The following DYSF variants were observed in gnomAD, a reference collection of about 807,000 sequenced individuals.
DYSF encodes dystrophy-associated fer-1-like 1.
Under a neutral mutation model 274.9 loss-of-function variants are expected in DYSF, and 212 were observed. The ratio of observed to expected loss-of-function variants is 0.77; its 90% CI spans 0.69 to 0.86. The LOEUF (loss-of-function observed/expected upper bound fraction) is 0.86. Among genes scored for constraint, DYSF ranks in the 40% least tolerant of loss-of-function variants. The probability of loss-of-function intolerance (pLI) is 0.00; values close to 1 mark genes in which losing one functional copy is unlikely to be tolerated. For synonymous variants in DYSF, 1,091 were observed against 1,078.7 expected (o/e 1.01, Z -0.22); for missense variants, 2,666 against 2,783.2 (o/e 0.96, Z 0.95).
intron 4 of DYSF, among the ~76,000 whole-genome samples, chr2:71,509,864 C>T (rs557891679): frequency 6.6e-5 from 10 of 152,166 alleles, no homozygotes; most frequent in East Asian, 3.9e-4. Context: ...CGACCTCTGC[C>T]GCCAAGGTTC....
chr2:71,572,309 GCA>G (rs2092539092), intron 29 of DYSF, among the ~76,000 whole-genome samples: 3 of 119,916 alleles, frequency 2.5e-5, no homozygotes, highest in East Asian at 5.3e-4. Flanking sequence ...ATCACACCCA[GCA>G]CACAGAAATC....
chr2:71,496,118 T>C (rs1355091714), intron 3 of DYSF, among the ~76,000 whole-genome samples: 2 of 151,970 alleles, frequency 1.3e-5, no homozygotes, highest in Non-Finnish European at 2.9e-5. Context: ...TGTAGACTAT[T>C]AGACCTCCCA....
intron 3 of DYSF, among the ~76,000 whole-genome samples, chr2:71,488,106 C>T (rs930333000): frequency 4.0e-5 from 6 of 149,596 alleles, no homozygotes; most frequent in African/African-American, 1.5e-4. Flanking sequence ...TTAATGTCAA[C>T]CAAAAAAAAA....
At chr2:71,490,369 C>T (rs145212278) in intron 3 of DYSF, among the ~76,000 whole-genome samples, 8 of 152,276 alleles carry the variant, frequency 5.3e-5, no homozygotes, top group East Asian at 1.9e-4. Flanking sequence ...GACAGAGTTT[C>T]GCTCTCGTTG....
chr2:71,549,148 T>C (rs2090732214), intron 17 of DYSF, among the ~76,000 whole-genome samples: 1 of 152,112 alleles, frequency 6.6e-6, no homozygotes, highest in Non-Finnish European at 1.5e-5. Context: ...GGGGGCTGCG[T>C]CTGGAGGGGC....
chr2:71,612,048 C>G (rs1190045630), intron 38 of DYSF, among the ~76,000 whole-genome samples: 2 of 152,178 alleles, frequency 1.3e-5, no homozygotes, highest in African/African-American at 4.8e-5. Flanking sequence ...CCCTCCAGGC[C>G]TCTCCACCTC....
At chr2:71,603,994 C>T (rs768655002) in intron 36 of DYSF, among the ~76,000 whole-genome samples, 5 of 152,184 alleles carry the variant, frequency 3.3e-5, no homozygotes, top group East Asian at 3.9e-4. Flanking sequence ...CGAAGAGCAC[C>T]GAGTGCCCCC....
chr2:71,522,947 G>C (rs6739347), intron 12 of DYSF, among the ~76,000 whole-genome samples: 100,766 of 151,454 alleles, frequency 0.67, 34,366 homozygotes, highest in African/African-American at 0.75. Context: ...TCCCAAGACA[G>C]GAGTTTGAGG....
Position 71,564,145 on chromosome 2 carries a change from C to G in DYSF, c.2497C>G (p.Leu833Val), listed in dbSNP as rs1559168029. ...CCAGCGGGTGCCCGCCCACCAAGTC[C>G]TCTTCTCCCGGCGGGGTGCCAACTA... Reference protein sequence around the residue: ...AYQRVPAHQVLFSRRGANYCG... With the variant: ...AYQRVPAHQVVFSRRGANYCG... Residue 833 changes from leucine (L) to valine (V), a missense_variant, in exon 24 of 56, where the codon CTC becomes GTC. Coordinates refer to ENST00000410020, the MANE Select transcript of DYSF (RefSeq NM_001130987.2). The G allele has an allele frequency of 1.2e-6, 2 of 1,614,160 alleles. No homozygotes were observed. The highest frequency in any genetic ancestry group is 1.3e-5 in the African/African-American group (1 of 74,954).
intron 3 of DYSF, among the ~76,000 whole-genome samples, chr2:71,483,226 C>G (rs972867872): frequency 6.6e-6 from 1 of 152,138 alleles, no homozygotes; most frequent in Non-Finnish European, 1.5e-5. Flanking sequence ...ATCTTGGGCC[C>G]GTCTCTTCCA....
intron 23 of DYSF, among the ~76,000 whole-genome samples, chr2:71,563,423 A>G (rs371861342): frequency 2.6e-5 from 4 of 152,084 alleles, no homozygotes; most frequent in Middle Eastern, 3.2e-3. Flanking sequence ...AAGCAAATGG[A>G]CCCTTACCCA....
rs1467146341 is a variant in DYSF, at chr2:71,590,238, A to G, written c.3524A>G (p.Tyr1175Cys). Residue 1175 changes from tyrosine (Y) to cysteine (C), a missense_variant, in exon 32 of 56, where the codon TAC becomes TGC. Around this residue, in one of 3 missense-constraint regions of DYSF, gnomAD observed 1,460 missense variants for 1,502.1 expected, o/e 0.97. Transcript: ENST00000410020. ...GGGAACCGCTACCATCTACGCTGCT[A>G]CATGTACCAGGCCCGGGACCTGGCT... ...DYGNRYHLRC[Y>C]MYQARDLAAM... 1.9e-6 allele frequency: 3 copies of G among 1,614,086 alleles called. No homozygotes were observed. Among genetic ancestry groups the G allele is most frequent in the African/African-American group, 2.7e-5 (2 of 75,008 alleles).
intron 47 of DYSF, among the ~76,000 whole-genome samples, chr2:71,665,554 T>C (rs1254684695): frequency 6.6e-6 from 1 of 152,162 alleles, no homozygotes; most frequent in Non-Finnish European, 1.5e-5. Context: ...CAAGGCCAGG[T>C]TGGGGCCCAT....
At chr2:71,661,206 A>G (rs2094875833) in intron 45 of DYSF, among the ~76,000 whole-genome samples, 1 of 148,778 alleles carries the variant, frequency 6.7e-6, no homozygotes, top group Admixed American at 6.7e-5. Context: ...TTTTTTTAAG[A>G]TAAACTTTTA....
At chr2:71,573,133 T>G (rs1264766076) in intron 29 of DYSF, among the ~76,000 whole-genome samples, 1 of 152,244 alleles carries the variant, frequency 6.6e-6, no homozygotes, top group Non-Finnish European at 1.5e-5. Context: ...GAGTAGCCTG[T>G]GGCATGACCT....
intron 24 of DYSF, among the ~76,000 whole-genome samples, chr2:71,566,093 G>T (rs139634800): frequency 6.5e-4 from 99 of 152,218 alleles, no homozygotes; most frequent in African/African-American, 2.3e-3. Flanking sequence ...TCCTGTGCTT[G>T]TCAGAGCCTA....
chr2:71,556,301 C>T (rs994160197), intron 22 of DYSF, among the ~76,000 whole-genome samples: 3 of 152,222 alleles, frequency 2.0e-5, no homozygotes, highest in South Asian at 2.1e-4. Flanking sequence ...GCGGGCCCGG[C>T]GGCCGGCTCA....
At chr2:71,470,916 C>T (rs899074763) in intron 1 of DYSF, among the ~76,000 whole-genome samples, 9 of 151,532 alleles carry the variant, frequency 5.9e-5, no homozygotes, top group Non-Finnish European at 8.8e-5. Context: ...CTCAGCCTCC[C>T]GAGTAGCTGG....
rs1460922119 is a variant in DYSF, at chr2:71,548,545, G to C, written c.1577-2496G>C. 2.7e-5 allele frequency among the ~76,000 whole-genome samples: 4 copies of C among 148,372 alleles called. No individual in the cohort carries two copies. The East Asian group carries it at 7.7e-4, about 29-fold the overall frequency. On this transcript the variant is annotated intron_variant, in intron 17 of 55. Transcript: ENST00000410020. ...AGAGGACAGTGGAGGAAGACTGAGGGGTGTCCGTTTCCTTGGCGCATCGCA... is the reference window on the plus strand; with the variant it reads ...AGAGGACAGTGGAGGAAGACTGAGGCGTGTCCGTTTCCTTGGCGCATCGCA...
Sources: allele counts gnomAD v4.1 joint callset (sites outside exome capture counted in the v4.1 genomes callset), GRCh38; gene constraint gnomAD v4.1.1; regional missense constraint gnomAD v4.1.1; transcripts MANE v1.5; gene names NCBI Gene and HGNC (gene_info 2026-07-23, HGNC 2026-07-21).